IL1RAP: variants seen among roughly 807,000 people sequenced by gnomAD.
The protein encoded by IL1RAP is interleukin 1 receptor accessory protein.
IL1RAP carries 35 observed loss-of-function variants against 60.7 expected under a neutral mutation model. That is an observed-to-expected ratio of 0.58 (90% CI 0.44 to 0.76). The LOEUF (loss-of-function observed/expected upper bound fraction) is 0.76, where lower values mean the gene tolerates loss of function less well. Ranked by LOEUF, IL1RAP falls within the 30% of genes least tolerant of loss-of-function variation. The pLI is 0.00. For missense variants in IL1RAP, 572 were observed against 693.9 expected (o/e 0.82, Z 1.97); for synonymous variants, 268 against 250.9 (o/e 1.07, Z -0.64).
At chr3:190,530,282 A>G (rs867673789) in intron 1 of IL1RAP, among the ~76,000 whole-genome samples, 1 of 152,180 alleles carries the variant, frequency 6.6e-6, no homozygotes, top group Middle Eastern at 3.2e-3. Flanking sequence ...ACTTAATCCT[A>G]TAAGACATGG....
At chr3:190,623,202 G>A (rs2108800237) in intron 6 of IL1RAP, 142 bp from the exon 7 acceptor site, 4 of 632,906 alleles carry the variant, frequency 6.3e-6, no homozygotes, top group South Asian at 5.6e-5. Flanking sequence ...TGCAGTAATT[G>A]AGTATATCTT....
chr3:190,608,583 A>C (rs190035978), intron 4 of IL1RAP, among the ~76,000 whole-genome samples: 51 of 152,266 alleles, frequency 3.3e-4, no homozygotes, highest in African/African-American at 1.2e-3. Context: ...CAAAAACGTG[A>C]ATAATATGTT....
At chr3:190,587,238 G>A (rs1000055429) in intron 3 of IL1RAP, among the ~76,000 whole-genome samples, 7 of 152,154 alleles carry the variant, frequency 4.6e-5, no homozygotes, top group African/African-American at 1.7e-4. Flanking sequence ...ACAGATCTGC[G>A]TTAGAATCCC....
At chr3:190,523,479 C>T (rs1373647089) in intron 1 of IL1RAP, among the ~76,000 whole-genome samples, 2 of 151,926 alleles carry the variant, frequency 1.3e-5, no homozygotes, top group Non-Finnish European at 2.9e-5. Context: ...GGTATTAAGC[C>T]TAGCACCCAT....
At chr3:190,590,647 C>A (rs1442531212) in intron 3 of IL1RAP, among the ~76,000 whole-genome samples, 1 of 152,166 alleles carries the variant, frequency 6.6e-6, no homozygotes, top group Non-Finnish European at 1.5e-5. Flanking sequence ...TCAGCTTTTT[C>A]ACTTGTAAAA....
rs1300454257 is a variant in IL1RAP at position 190,555,806 on chromosome 3, G to A, written c.-88-324G>A. 3.3e-5 allele frequency: 5 copies of A among 152,162 alleles called. No individual in the cohort carries two copies. In the East Asian group the frequency reaches 7.7e-4, roughly 23 times the overall value. 9.4% of individuals were successfully genotyped at this position (152,162 alleles called of 1,614,324 possible). A position where few individuals can be genotyped will look rare whatever the true frequency, so the allele number is the denominator to read the frequency against. Reference sequence around the variant, plus strand: ...ATTTGCTGAGTGAATTAAAAGTAGTGTTTGACCATCTCATCATAAATTACT... The same window carrying A: ...ATTTGCTGAGTGAATTAAAAGTAGTATTTGACCATCTCATCATAAATTACT... On this transcript the variant is annotated intron_variant, in intron 1 of 11. Transcript: ENST00000447382.
exon 12 of IL1RAP, chr3:190,659,001 C>A (rs940983332): frequency 6.6e-6 from 1 of 152,236 alleles, no homozygotes; most frequent in South Asian, 2.1e-4. Flanking sequence ...TATTCAAGAA[C>A]CTTCAGTTGG....
At chr3:190,564,595 A>G in intron 3 of IL1RAP, 1 of 481,284 alleles carries the variant, frequency 2.1e-6, no homozygotes, top group Non-Finnish European at 3.8e-6. Context: ...AAACACAGGT[A>G]TTTTTCATTA....
chr3:190,584,008 C>T lies in IL1RAP; in HGVS notation c.64+19655C>T, dbSNP rs141449428. Among the ~76,000 whole-genome samples the T allele has an allele frequency of 9.9e-5, 15 of 152,094 alleles. No individual in the cohort carries two copies. The East Asian group carries it at 1.7e-3, about 18-fold the overall frequency. ...CACCACAGTTTAGGTACAGAAAGTC[C>T]CATTATCCTCCCAAATTTCTCTCAT... On this transcript the variant is annotated intron_variant, in intron 3 of 11. Transcript: ENST00000447382.
At chr3:190,628,686 A>G (rs1319424426) in intron 8 of IL1RAP, among the ~76,000 whole-genome samples, 3 of 152,196 alleles carry the variant, frequency 2.0e-5, no homozygotes, top group African/African-American at 7.2e-5. Context: ...ATATGTTAGG[A>G]TTTAACCATG....
intron 3 of IL1RAP, among the ~76,000 whole-genome samples, chr3:190,580,019 A>G (rs1042381656): frequency 2.0e-5 from 3 of 152,214 alleles, no homozygotes; most frequent in Non-Finnish European, 2.9e-5. Flanking sequence ...ACTATCATGA[A>G]TAATGCTACT....
chr3:190,590,852 C>G (rs1390092342), intron 3 of IL1RAP, among the ~76,000 whole-genome samples: 1 of 152,072 alleles, frequency 6.6e-6, no homozygotes, highest in Non-Finnish European at 1.5e-5. Context: ...AATGTCTGTG[C>G]AGATATTTAT....
intron 1 of IL1RAP, among the ~76,000 whole-genome samples, chr3:190,540,387 G>A (rs1723827475): frequency 6.6e-6 from 1 of 151,946 alleles, no homozygotes; most frequent in Non-Finnish European, 1.5e-5. Context: ...AGGCTCAAAG[G>A]CAGATAATTC....
At chr3:190,639,232 C>T (rs1402984169) in intron 9 of IL1RAP, among the ~76,000 whole-genome samples, 1 of 152,108 alleles carries the variant, frequency 6.6e-6, no homozygotes, top group Admixed American at 6.6e-5. Flanking sequence ...CTCACTCTTT[C>T]TCTTCTTTTA....
chr3:190,617,089 T>G (rs1669860974), intron 5 of IL1RAP, among the ~76,000 whole-genome samples: 1 of 152,232 alleles, frequency 6.6e-6, no homozygotes, highest in African/African-American at 2.4e-5. Flanking sequence ...GATGTTAATA[T>G]TCTTATCATT....
chr3:190,604,066 T>G (rs1730080427), intron 3 of IL1RAP, 62 bp from the exon 4 acceptor site: 2 of 1,516,674 alleles, frequency 1.3e-6, no homozygotes, highest in Non-Finnish European at 9.0e-7. Context: ...AGGTGTGTTC[T>G]TTTGAGGCCT....
chr3:190,595,643 C>T (rs899370991), intron 3 of IL1RAP, among the ~76,000 whole-genome samples: 1 of 152,184 alleles, frequency 6.6e-6, no homozygotes, highest in African/African-American at 2.4e-5. Context: ...TACTAGCACA[C>T]GCAGATGGGA....
exon 12 of IL1RAP, chr3:190,656,757 C>CA (rs1333394050): frequency 2.8e-5 from 16 of 579,810 alleles, no homozygotes; most frequent in Non-Finnish European, 3.5e-5. Flanking sequence ...TTCTAGGAGA[C>CA]AAAAGACCTG....
intron 9 of IL1RAP, among the ~76,000 whole-genome samples, chr3:190,640,410 A>G (rs1469012337): frequency 6.6e-6 from 1 of 152,256 alleles, no homozygotes; most frequent in Non-Finnish European, 1.5e-5. Flanking sequence ...TTAACACACT[A>G]TAATAGCCAA....
Sources: allele counts gnomAD v4.1 joint callset (sites outside exome capture counted in the v4.1 genomes callset), GRCh38; gene constraint gnomAD v4.1.1; transcripts MANE v1.5; gene names NCBI Gene and HGNC (gene_info 2026-07-23, HGNC 2026-07-21).